Variants in SGO1 observed in about 807,000 individuals in gnomAD.
SGO1 encodes serologically defined breast cancer antigen NY-BR-85.
SGO1 carries 39 observed loss-of-function variants against 50.5 expected under a neutral mutation model. The observed-to-expected ratio is 0.77, with a 90% CI of 0.60 to 1.01. The LOEUF is 1.01. SGO1 is among the 50% of genes least tolerant of loss of function. The pLI, the probability that SGO1 is intolerant of heterozygous loss-of-function variation, is 0.00. For missense variants in SGO1, 638 were observed against 606.0 expected, an observed-to-expected ratio of 1.05 and a Z score of -0.55; for synonymous variants, 191 against 205.1, an observed-to-expected ratio of 0.93 and a Z score of 0.59.
chr3:20,180,379 G>C (rs188717338), intron 3 of SGO1, among the ~76,000 whole-genome samples: 199 of 152,304 alleles, frequency 1.3e-3, no homozygotes, highest in African/African-American at 4.6e-3. Context: ...GTGAAGGGAA[G>C]CAAAGAAATG....
chr3:20,172,313 C>T (rs1165201294), intron 6 of SGO1, among the ~76,000 whole-genome samples: 5 of 152,092 alleles, frequency 3.3e-5, no homozygotes, highest in Non-Finnish European at 7.4e-5. Context: ...GCCAGCCTAA[C>T]TAACATGGAG....
At position 20,169,792 on chromosome 3, in the gene SGO1, A is replaced by G. The variant is rs1172457080; in HGVS notation, c.*912T>C. 1.0e-6 allele frequency: 1 copy of G among 965,044 alleles called. No individual in the cohort carries two copies. The highest frequency in any genetic ancestry group is 1.2e-6 in the Non-Finnish European group (1 of 811,346). 59.8% of individuals were successfully genotyped at this position (965,044 alleles called of 1,614,324 possible). A position where few individuals can be genotyped will look rare whatever the true frequency, so the allele number is the denominator to read the frequency against. ...TTGTCCCTGAGCCTAAAAAAGAATC[A>G]ATTTCTCTAGTCATTTTCCCATACA... On this transcript the variant is annotated 3_prime_UTR_variant, in exon 8 of 8. Transcript: ENST00000412997.
chr3:20,171,429 C>A (rs1700734673), intron 6 of SGO1, among the ~76,000 whole-genome samples, 197 bp from the exon 7 acceptor site: 1 of 152,094 alleles, frequency 6.6e-6, no homozygotes, highest in Non-Finnish European at 1.5e-5. Flanking sequence ...ACCTCTGCCT[C>A]CTGGTCTCAA....
In SGO1 at chr3:20,174,399, A is replaced by C; in HGVS notation, c.1132T>G (p.Ser378Ala). The C allele has an allele frequency of 4.3e-6, 7 of 1,614,150 alleles. No individual in the cohort carries two copies. The highest frequency in any genetic ancestry group is 5.9e-6 in the Non-Finnish European group (7 of 1,180,030). ...CAAGTGGGCAAATAGAGGTCATCGG[A>C]ATCATCTCCTGAACCACTTGATTCA... is the stretch of plus-strand genomic sequence containing the variant. ...LCESSGSGDD[S>A]DDLYLPTCKY... The change falls in exon 6 of 8, where the codon TCC (serine) becomes GCC (alanine). Residue 378 changes from serine to alanine, a missense_variant. Coordinates refer to ENST00000412997, the MANE Select transcript of SGO1 (RefSeq NM_001199251.3).
intron 6 of SGO1, 39 bp downstream of exon 6, chr3:20,174,209 AC>A: frequency 6.8e-7 from 1 of 1,475,846 alleles, no homozygotes; most frequent in Non-Finnish European, 9.4e-7. Flanking sequence ...ATCATTTATC[AC>A]GAACATTAAA....
chr3:20,175,116 G>C, intron 5 of SGO1, 61 bp from the exon 6 acceptor site: 3 of 1,350,970 alleles, frequency 2.2e-6, no homozygotes, highest in Non-Finnish European at 2.9e-6. Context: ...TGAATTTCAA[G>C]AACTTTAGAA....
intron 1 of SGO1, among the ~76,000 whole-genome samples, chr3:20,184,964 C>T (rs1369740706): frequency 6.6e-6 from 1 of 152,062 alleles, no homozygotes; most frequent in Non-Finnish European, 1.5e-5. Context: ...AATCTATGCA[C>T]AGAATTTTCA....
intron 1 of SGO1, 37 bp from the exon 2 acceptor site, chr3:20,184,071 T>C (rs983408781): frequency 6.7e-7 from 1 of 1,494,378 alleles, no homozygotes; most frequent in Non-Finnish European, 8.9e-7. Context: ...AGAGAGAATA[T>C]TATCAAATAT....
At chr3:20,165,790 G>A (rs531844303), downstream of SGO1, among the ~76,000 whole-genome samples, 5 of 152,284 alleles carry the variant, frequency 3.3e-5, no homozygotes, top group African/African-American at 9.6e-5. Context: ...AGTGGCTCAC[G>A]CCTGTAATCC....
downstream of SGO1, among the ~76,000 whole-genome samples, chr3:20,165,522 T>C (rs1004017389): frequency 3.3e-5 from 5 of 152,078 alleles, no homozygotes; most frequent in African/African-American, 1.2e-4. Flanking sequence ...TCAAGAAGAA[T>C]TAGAGAACAT....
At chr3:20,160,979 GAAAC>G (rs1700007129) in exon 9 of SGO1, 13 of 1,416,332 alleles carry the variant, frequency 9.2e-6, no homozygotes, top group Non-Finnish European at 1.2e-5. Flanking sequence ...TAGGCTGAGT[GAAAC>G]AGACTGTCAA....
chr3:20,168,104 C>T (rs930920923), downstream of SGO1, among the ~76,000 whole-genome samples: 7 of 152,082 alleles, frequency 4.6e-5, no homozygotes, highest in Non-Finnish European at 8.8e-5. Context: ...ACTTAAAAGC[C>T]TATGAACAAA....
chr3:20,186,160 G>A lies in SGO1; in HGVS notation c.-220C>T, dbSNP rs1225570680. 1 of 152,480 alleles carries A rather than the reference G, an allele frequency of 6.6e-6. No homozygotes were observed. Among genetic ancestry groups the A allele is most frequent in the Non-Finnish European group, 1.5e-5 (1 of 68,266 alleles). 9.4% of individuals were successfully genotyped at this position (152,480 alleles called of 1,614,324 possible). ...TAGCCCCGCGCACTGGGCCCTCCAG[G>A]ACCGTACCACCGTCCGCCGTCGCCT... On this transcript the variant is annotated 5_prime_UTR_variant, in exon 1 of 8. Coordinates refer to ENST00000412997, the MANE Select transcript of SGO1 (RefSeq NM_001199251.3).
At chr3:20,183,228 A>C (rs999144548) in intron 3 of SGO1, among the ~76,000 whole-genome samples, 2 of 152,238 alleles carry the variant, frequency 1.3e-5, no homozygotes, top group Non-Finnish European at 2.9e-5. Flanking sequence ...AAAAGCTAAG[A>C]TAGCATTGAT....
Position 20,170,675 on chromosome 3 carries a change from T to TCTCGG in SGO1, c.*28_*29insCCGAG. The TCTCGG allele has an allele frequency of 6.5e-7, 1 of 1,546,606 alleles. No homozygotes were observed. Among genetic ancestry groups the TCTCGG allele is most frequent in the South Asian group, 1.2e-5 (1 of 80,922 alleles). ...CTGAAGCAACAGAAAGAGGTGTAGA[T>TCTCGG]TGAATTTAAACAATATCCAACAAAA... On this transcript the variant is annotated 3_prime_UTR_variant, in exon 8 of 8. Transcript: ENST00000412997.
At chr3:20,168,861 G>A (rs1227163855), downstream of SGO1, 4 of 714,266 alleles carry the variant, frequency 5.6e-6, no homozygotes. Flanking sequence ...CGATCTCCTT[G>A]ACCTCTCGTG....
intron 1 of SGO1, among the ~76,000 whole-genome samples, chr3:20,184,816 A>C (rs1702438185): frequency 7.4e-6 from 1 of 135,698 alleles, no homozygotes; most frequent in African/African-American, 3.1e-5. Context: ...AACTATACTT[A>C]ATCTTTCAAC....
At chr3:20,171,258 G>A in intron 6 of SGO1, 26 bp from the exon 7 acceptor site, 2 of 1,488,904 alleles carry the variant, frequency 1.3e-6, no homozygotes, top group South Asian at 1.4e-5. Context: ...TACTGAATAT[G>A]ATTTAAAAAA....
chr3:20,174,444 C>G lies in SGO1; in HGVS notation c.1087G>C (p.Glu363Gln), dbSNP rs761667197. The G allele has an allele frequency of 1.9e-6, 3 of 1,614,086 alleles. No homozygotes were observed. The highest frequency in any genetic ancestry group is 2.5e-6 in the Non-Finnish European group (3 of 1,180,018). The change falls in exon 6 of 8, where the codon GAG becomes CAG. Residue 363 changes from glutamate (E) to glutamine (Q), a missense_variant. Transcript: ENST00000412997. ...GATTCACAGAGGCTCACTTCAGACT[C>G]GTTGTTTTCTTCTCTATTAGAGTCA... ...SNDSNREENN[E>Q]SEVSLCESSG...
Sources: allele counts gnomAD v4.1 joint callset (sites outside exome capture counted in the v4.1 genomes callset), GRCh38; gene constraint gnomAD v4.1.1; transcripts MANE v1.5; gene names NCBI Gene and HGNC (gene_info 2026-07-23, HGNC 2026-07-21).